Variants in LRP1B observed in about 807,000 individuals in gnomAD.
LRP1B encodes the protein LDL receptor related protein 1B, also known as low-density lipoprotein receptor-related protein 1B.
A neutral mutation model predicts 556.6 loss-of-function variants in LRP1B; 217 were observed. The observed-to-expected ratio is 0.39, with a 90% confidence interval of 0.35 to 0.44. The LOEUF (loss-of-function observed/expected upper bound fraction) is 0.44, where lower values mean the gene tolerates loss of function less well. Among genes scored for constraint, LRP1B ranks in the 20% least tolerant of loss-of-function variants. LRP1B has a pLI of 1.00. For missense variants in LRP1B, 5,053 were observed against 5,620.8 expected (o/e 0.90, Z 3.23); for synonymous variants, 2,047 against 1,865.8 (o/e 1.10, Z -2.50).
At chr2:140,867,972 CA>C (rs138429255) in intron 26 of LRP1B, 126 bp downstream of exon 26, 18,456 of 1,054,052 alleles carry the variant, frequency 0.018, 1 homozygote, top group South Asian at 0.033. Context: ...TTGGGGCAAG[CA>C]AAAAAAAAAT....
chr2:142,118,219 C>T (rs7566381), intron 1 of LRP1B, among the ~76,000 whole-genome samples: 3 of 152,046 alleles, frequency 2.0e-5, no homozygotes, highest in Admixed American at 6.6e-5. Context: ...TAGTGACTCT[C>T]GGGCTTGGGT....
chr2:141,356,537 T>A (rs1168637189), intron 3 of LRP1B, among the ~76,000 whole-genome samples: 1 of 151,966 alleles, frequency 6.6e-6, no homozygotes, highest in Non-Finnish European at 1.5e-5. Flanking sequence ...GGCTATATGA[T>A]CTCCAAGTAT....
intron 2 of LRP1B, among the ~76,000 whole-genome samples, chr2:141,491,157 G>A (rs1683320819): frequency 1.3e-5 from 2 of 151,946 alleles, no homozygotes; most frequent in African/African-American, 4.8e-5. Flanking sequence ...ACATTTCTTG[G>A]GTGGCAATTT....
chr2:141,690,442 A>AT (rs1691483844), intron 2 of LRP1B, among the ~76,000 whole-genome samples: 5 of 82,296 alleles, frequency 6.1e-5, no homozygotes, highest in Non-Finnish European at 1.3e-4. Context: ...TATATATATA[A>AT]TTACAAATAT....
chr2:141,515,216 C>T (rs954498749), intron 2 of LRP1B, among the ~76,000 whole-genome samples: 12 of 151,730 alleles, frequency 7.9e-5, no homozygotes, highest in South Asian at 6.2e-4. Context: ...GCAGGAGAAT[C>T]GCTTGAACCT....
chr2:140,563,972 G>A (rs2105085529), intron 43 of LRP1B, among the ~76,000 whole-genome samples: 1 of 152,256 alleles, frequency 6.6e-6, no homozygotes, highest in East Asian at 1.9e-4. Flanking sequence ...CAAGCCCTAT[G>A]GGAGGGAGGG....
At chr2:141,821,495 A>G (rs1696751030) in intron 1 of LRP1B, among the ~76,000 whole-genome samples, 1 of 152,234 alleles carries the variant, frequency 6.6e-6, no homozygotes. Context: ...AAGGCCAGCA[A>G]TAATGACTAG....
intron 35 of LRP1B, among the ~76,000 whole-genome samples, chr2:140,754,780 A>G (rs1688689142): frequency 6.8e-6 from 1 of 147,498 alleles, no homozygotes. Flanking sequence ...AAAAAAAAAA[A>G]CAGCAAACAA....
At chr2:141,230,503 T>C (rs1184503094) in intron 5 of LRP1B, among the ~76,000 whole-genome samples, 1 of 152,242 alleles carries the variant, frequency 6.6e-6, no homozygotes, top group East Asian at 1.9e-4. Context: ...AGTTCTTCAC[T>C]CAGTCCCTCA....
chr2:141,300,878 T>C (rs889545695), intron 3 of LRP1B, among the ~76,000 whole-genome samples: 3 of 152,130 alleles, frequency 2.0e-5, no homozygotes, highest in Admixed American at 1.3e-4. Context: ...TGTTGTTTCT[T>C]TATAGAGTCC....
At chr2:140,662,416 G>T (rs765661056) in intron 41 of LRP1B, among the ~76,000 whole-genome samples, 1 of 151,734 alleles carries the variant, frequency 6.6e-6, no homozygotes, top group Non-Finnish European at 1.5e-5. Context: ...GATGGAAGAG[G>T]GTAATAATAC....
intron 3 of LRP1B, among the ~76,000 whole-genome samples, chr2:141,393,780 C>T (rs1359599217): frequency 6.6e-6 from 1 of 151,798 alleles, no homozygotes; most frequent in Non-Finnish European, 1.5e-5. Context: ...TCAAAAAGCC[C>T]TCAAAAAGCA....
intron 70 of LRP1B, 45 bp from the exon 71 acceptor site, chr2:140,370,887 G>C (rs1682965064): frequency 6.3e-7 from 1 of 1,597,272 alleles, no homozygotes; most frequent in South Asian, 1.1e-5. Context: ...TAATGATAAT[G>C]ATACAATCAT....
At chr2:141,579,027 C>T (rs911949448) in intron 2 of LRP1B, among the ~76,000 whole-genome samples, 9 of 152,086 alleles carry the variant, frequency 5.9e-5, no homozygotes, top group Admixed American at 1.3e-4. Flanking sequence ...TATGAGGATA[C>T]GCTTTTTCTT....
chr2:141,346,643 T>C (rs993620393), intron 3 of LRP1B, among the ~76,000 whole-genome samples: 1 of 152,234 alleles, frequency 6.6e-6, no homozygotes, highest in African/African-American at 2.4e-5. Context: ...CCCTTGACGG[T>C]TGGGGCAACT....
rs111651619 is a variant in LRP1B at position 141,023,313 on chromosome 2, G to A, written c.1790-3211C>T. Among the ~76,000 whole-genome samples, 1,008 of 151,864 alleles carry A rather than the reference G, an allele frequency of 6.6e-3. 12 individuals are homozygous for A. Among genetic ancestry groups the A allele is most frequent in the African/African-American group, 0.023 (971 of 41,496 alleles). On this transcript the variant is annotated intron_variant, in intron 11 of 90. Coordinates refer to ENST00000389484, the MANE Select transcript of LRP1B (RefSeq NM_018557.3). ...AAATTTAGGATTAATAATGAAGTGC[G>A]TGGTTTACTTAAGTGAAAAATTCCT... is the stretch of plus-strand genomic sequence containing the variant.
intron 77 of LRP1B, among the ~76,000 whole-genome samples, chr2:140,346,274 A>G (rs1456401459): frequency 6.6e-6 from 1 of 151,814 alleles, no homozygotes; most frequent in African/African-American, 2.4e-5. Flanking sequence ...TTGTAGACTC[A>G]TATAATAATT....
intron 41 of LRP1B, among the ~76,000 whole-genome samples, chr2:140,602,980 C>G (rs1361336940): frequency 1.3e-5 from 2 of 151,918 alleles, no homozygotes; most frequent in Admixed American, 6.6e-5. Flanking sequence ...GCCTGGCTCC[C>G]CCATTCACCT....
intron 15 of LRP1B, among the ~76,000 whole-genome samples, chr2:141,000,429 G>T (rs1177034447): frequency 6.6e-6 from 1 of 152,086 alleles, no homozygotes; most frequent in Non-Finnish European, 1.5e-5. Flanking sequence ...GTTCTTAAGT[G>T]GATGTGAGGA....
Sources: allele counts gnomAD v4.1 joint callset (sites outside exome capture counted in the v4.1 genomes callset), GRCh38; gene constraint gnomAD v4.1.1; transcripts MANE v1.5; gene names NCBI Gene and HGNC (gene_info 2026-07-23, HGNC 2026-07-21).